Variants in THEMIS observed in about 807,000 individuals in gnomAD.
The protein encoded by THEMIS is thymocyte selection associated.
A neutral mutation model predicts 52.6 loss-of-function variants in THEMIS; 37 were observed. The ratio of observed to expected loss-of-function variants is 0.70; its 90% CI spans 0.54 to 0.93. The LOEUF (loss-of-function observed/expected upper bound fraction) is 0.93. Ranked by LOEUF, THEMIS falls within the 40% of genes least tolerant of loss-of-function variation. The pLI, the probability that THEMIS is intolerant of heterozygous loss-of-function variation, is 0.00. For synonymous variants in THEMIS, 292 were observed against 272.7 expected, an observed-to-expected ratio of 1.07 and a Z score of -0.70; for missense variants, 808 against 763.1, an observed-to-expected ratio of 1.06 and a Z score of -0.69.
At chr6:127,798,632 G>A (rs1041523814) in intron 4 of THEMIS, among the ~76,000 whole-genome samples, 15 of 147,144 alleles carry the variant, frequency 1.0e-4, no homozygotes, top group African/African-American at 3.0e-4. Flanking sequence ...GAACTATTTA[G>A]TTACTTAAAT....
At chr6:127,847,779 A>T (rs1562297206) in intron 2 of THEMIS, among the ~76,000 whole-genome samples, 1 of 151,844 alleles carries the variant, frequency 6.6e-6, no homozygotes, top group African/African-American at 2.4e-5. Flanking sequence ...TTCTTTACAG[A>T]ATTAGAAAAA....
At position 127,708,679 on chromosome 6, in the gene THEMIS, T is replaced by C. The variant is rs1773872567; in HGVS notation, c.*1306A>G. Reference sequence around the variant, plus strand: ...AGACATTGTAGATAAGAAATGATATTACCACAATCAAATCACTAAGCAATT... The same window carrying C: ...AGACATTGTAGATAAGAAATGATATCACCACAATCAAATCACTAAGCAATT... On this transcript the variant is annotated 3_prime_UTR_variant, in exon 6 of 6. Transcript: ENST00000368248. 2.0e-5 allele frequency: 3 copies of C among 152,070 alleles called. No individual in the cohort carries two copies. The highest frequency in any genetic ancestry group is 2.0e-4 in the Admixed American group (3 of 15,260). The allele number at this position is 152,070 out of a possible 1,614,324, so 9.4% of individuals were successfully genotyped here. A position where few individuals can be genotyped will look rare whatever the true frequency, so the allele number is the denominator to read the frequency against.
chr6:127,756,646 G>A (rs1009496161), intron 4 of THEMIS, among the ~76,000 whole-genome samples: 2 of 152,046 alleles, frequency 1.3e-5, no homozygotes, highest in African/African-American at 2.4e-5. Context: ...GAAGGATTAC[G>A]TCTTTCTAGT....
At chr6:127,703,257 C>G (rs1460613554), downstream of THEMIS, among the ~76,000 whole-genome samples, 1 of 151,702 alleles carries the variant, frequency 6.6e-6, no homozygotes, top group Non-Finnish European at 1.5e-5. Context: ...CCGTTTTAGC[C>G]GGGATGGTCT....
intron 4 of THEMIS, among the ~76,000 whole-genome samples, chr6:127,786,231 C>A (rs1034185091): frequency 1.3e-5 from 2 of 152,132 alleles, no homozygotes; most frequent in African/African-American, 4.8e-5. Context: ...TTCTAGCCTA[C>A]ATATTTGAAC....
chr6:127,773,429 G>A (rs1205150647), intron 4 of THEMIS, among the ~76,000 whole-genome samples: 2 of 152,012 alleles, frequency 1.3e-5, no homozygotes, highest in African/African-American at 2.4e-5. Context: ...AAATTAGAAC[G>A]CTGTTAAAAA....
chr6:127,707,300 G>T (rs114966159), downstream of THEMIS, among the ~76,000 whole-genome samples: 1 of 152,058 alleles, frequency 6.6e-6, no homozygotes, highest in Admixed American at 6.6e-5. Context: ...TGAGCAAAAC[G>T]AATAGGAAGA....
chr6:127,908,746 G>T (rs1781338671), intron 1 of THEMIS, among the ~76,000 whole-genome samples: 1 of 152,040 alleles, frequency 6.6e-6, no homozygotes, highest in Non-Finnish European at 1.5e-5. Context: ...TTTGTGAAAA[G>T]CTTAACTGCA....
intron 1 of THEMIS, among the ~76,000 whole-genome samples, chr6:127,912,422 T>A (rs112979965): frequency 0.014 from 2,178 of 152,320 alleles, 47 homozygotes; most frequent in African/African-American, 0.049. Flanking sequence ...TCCATCTTGC[T>A]TCTAACCTCC....
intron 4 of THEMIS, among the ~76,000 whole-genome samples, chr6:127,773,806 T>TA (rs1776465916): frequency 6.6e-6 from 1 of 152,118 alleles, no homozygotes; most frequent in Non-Finnish European, 1.5e-5. Flanking sequence ...AGTAAGAAAA[T>TA]AAAAAATAGC....
At chr6:127,792,336 C>A (rs1190869214) in intron 4 of THEMIS, among the ~76,000 whole-genome samples, 1 of 152,138 alleles carries the variant, frequency 6.6e-6, no homozygotes, top group African/African-American at 2.4e-5. Flanking sequence ...TGGCAAGAGA[C>A]CAGAGAGACA....
At chr6:127,718,182 A>C (rs1481859000) in intron 5 of THEMIS, among the ~76,000 whole-genome samples, 1 of 151,978 alleles carries the variant, frequency 6.6e-6, no homozygotes, top group African/African-American at 2.4e-5. Context: ...GAAATACTGT[A>C]ATTATTGCAT....
In THEMIS at chr6:127,719,758, C is replaced by A; in HGVS notation, c.1824G>T (p.Leu608=). The A allele has an allele frequency of 6.2e-7, 1 of 1,612,446 alleles. No individual in the cohort carries two copies. The highest frequency in any genetic ancestry group is 8.5e-7 in the Non-Finnish European group (1 of 1,179,030). ...CCACCAAATCATTCTGACTACCAATCAGTACTTTTGAATCCAGGCCAGCTT... is the reference window on the plus strand; with the variant it reads ...CCACCAAATCATTCTGACTACCAATAAGTACTTTTGAATCCAGGCCAGCTT... ...PNQAGLDSKV[L]IGSQNDLVDE... The change falls in exon 5 of 6, where the codon CTG becomes CTT. Residue 608 remains leucine (L), a synonymous_variant. Transcript: ENST00000368248.
At chr6:127,759,931 G>C (rs1775964954) in intron 4 of THEMIS, among the ~76,000 whole-genome samples, 1 of 145,022 alleles carries the variant, frequency 6.9e-6, no homozygotes, top group Non-Finnish European at 1.5e-5. Context: ...TTGTTCATAG[G>C]GTAACCAAAG....
intron 1 of THEMIS, among the ~76,000 whole-genome samples, chr6:127,860,611 C>T (rs916403822): frequency 2.6e-5 from 4 of 152,030 alleles, no homozygotes; most frequent in African/African-American, 9.7e-5. Context: ...TTACTTAAAA[C>T]ATCTGAACAT....
intron 1 of THEMIS, among the ~76,000 whole-genome samples, chr6:127,874,984 A>C (rs962813263): frequency 6.6e-6 from 1 of 152,222 alleles, no homozygotes; most frequent in East Asian, 1.9e-4. Context: ...CGGGCATTAG[A>C]TTCTCCTAGG....
At chr6:127,712,355 G>A (rs183113265) in intron 5 of THEMIS, among the ~76,000 whole-genome samples, 6 of 151,964 alleles carry the variant, frequency 3.9e-5, no homozygotes, top group African/African-American at 1.4e-4. Flanking sequence ...TCTATGCTCT[G>A]GTGGCAAGCT....
At chr6:127,888,533 CAG>C (rs1780711976) in intron 1 of THEMIS, among the ~76,000 whole-genome samples, 2 of 151,982 alleles carry the variant, frequency 1.3e-5, no homozygotes, top group African/African-American at 4.8e-5. Context: ...AAAATTATAA[CAG>C]AATACATCAA....
At chr6:127,908,000 A>G (rs1325248201) in intron 1 of THEMIS, among the ~76,000 whole-genome samples, 1 of 152,054 alleles carries the variant, frequency 6.6e-6, no homozygotes, top group Admixed American at 6.6e-5. Context: ...TATACACAAC[A>G]ATTTGTTTTG....
Sources: gnomAD v4.1 joint callset for allele counts (sites outside exome capture counted in the v4.1 genomes callset) on GRCh38, gnomAD v4.1.1 for gene constraint, MANE v1.5 for transcripts, NCBI Gene and HGNC (gene_info 2026-07-23, HGNC 2026-07-21) for gene names.